The following IFT56 variants were observed in gnomAD, a reference collection of about 807,000 sequenced individuals.
IFT56 encodes intraflagellar transport 56.
the IFT56 span, among the ~76,000 whole-genome samples, chr7:139,163,198 CG>C: frequency 6.6e-6 from 1 of 150,972 alleles, no homozygotes; most frequent in African/African-American, 2.4e-5. Flanking sequence ...AAAAATTAGC[CG>C]GGTGTTATGG....
chr7:139,178,741 G>A, the IFT56 span: 1 of 719,294 alleles, frequency 1.4e-6, no homozygotes, highest in Non-Finnish European at 2.3e-6. Context: ...ACACTGTGGA[G>A]AAGGTGCAGT....
chr7:139,142,279 C>T, the IFT56 span: 32 of 1,613,830 alleles, frequency 2.0e-5, no homozygotes, highest in Middle Eastern at 1.6e-4. Context: ...ACTCCAAAAC[C>T]GCCTCCTCTT....
At chr7:139,151,209 C>A in the IFT56 span, among the ~76,000 whole-genome samples, 1 of 152,146 alleles carries the variant, frequency 6.6e-6, no homozygotes, top group Non-Finnish European at 1.5e-5. Flanking sequence ...ATTGCCATAT[C>A]TGATTAGGAT....
the IFT56 span, chr7:139,134,918 C>G: frequency 2.2e-6 from 2 of 918,430 alleles, no homozygotes; most frequent in African/African-American, 3.4e-5. Context: ...GTACAAATCC[C>G]CTGTAAATCT....
chr7:139,165,339 A>T, the IFT56 span: 3 of 730,616 alleles, frequency 4.1e-6, no homozygotes, highest in South Asian at 6.2e-5. Flanking sequence ...TACTTCCAAA[A>T]ATATATTTGC....
chr7:139,140,601 G>C, the IFT56 span, among the ~76,000 whole-genome samples: 1 of 151,880 alleles, frequency 6.6e-6, no homozygotes, highest in African/African-American at 2.4e-5. Context: ...CCAACATGGA[G>C]AAACCCCATC....
the IFT56 span, among the ~76,000 whole-genome samples, chr7:139,143,258 A>T: frequency 6.6e-6 from 1 of 152,182 alleles, no homozygotes; most frequent in Admixed American, 6.5e-5. Context: ...CATTATATGA[A>T]AATAATTATT....
chr7:139,172,003 A>T, the IFT56 span, among the ~76,000 whole-genome samples: 1 of 152,040 alleles, frequency 6.6e-6, no homozygotes, highest in South Asian at 2.1e-4. Context: ...GTAGCTGCAA[A>T]TTTTCTTTTG....
chr7:139,147,051 A>G, the IFT56 span: 4 of 1,574,294 alleles, frequency 2.5e-6, no homozygotes, highest in Non-Finnish European at 1.7e-6. Flanking sequence ...ATGGCTAAAG[A>G]AGGAAGAGTT....
chr7:139,187,605 C>G, the IFT56 span: 25 of 1,560,166 alleles, frequency 1.6e-5, no homozygotes, highest in Middle Eastern at 1.7e-4. Flanking sequence ...AATACTTGTT[C>G]TCTTGGATGA....
the IFT56 span, chr7:139,148,259 A>G: frequency 1.9e-6 from 3 of 1,613,862 alleles, no homozygotes; most frequent in African/African-American, 4.0e-5. Flanking sequence ...AAGTTGGATT[A>G]CTATGATGTG....
At chr7:139,163,356 GA>G in the IFT56 span, among the ~76,000 whole-genome samples, 7 of 148,586 alleles carry the variant, frequency 4.7e-5, no homozygotes, top group South Asian at 4.3e-4. Context: ...AAAAAAAAAA[GA>G]AAAAAAAGAA....
At chr7:139,175,199 A>G in the IFT56 span, among the ~76,000 whole-genome samples, 2 of 152,114 alleles carry the variant, frequency 1.3e-5, no homozygotes, top group Admixed American at 1.3e-4. Context: ...GCTGGAGAGG[A>G]TGTAGAGAAA....
chr7:139,172,543 G>C, the IFT56 span: 1 of 520,654 alleles, frequency 1.9e-6, no homozygotes, highest in Non-Finnish European at 3.8e-6. Flanking sequence ...TCTTGCTGCT[G>C]TAATGCACCT....
the IFT56 span, among the ~76,000 whole-genome samples, chr7:139,164,419 T>C: frequency 6.6e-6 from 1 of 152,220 alleles, no homozygotes; most frequent in Admixed American, 6.5e-5. Context: ...TTGGGTACTT[T>C]AGGAGTTTTC....
the IFT56 span, among the ~76,000 whole-genome samples, chr7:139,141,200 G>T: frequency 6.6e-6 from 1 of 150,742 alleles, no homozygotes; most frequent in African/African-American, 2.5e-5. Flanking sequence ...GGCGGAGCTT[G>T]CAGTGAGCCG....
the IFT56 span, among the ~76,000 whole-genome samples, chr7:139,141,349 A>C: frequency 6.6e-6 from 1 of 151,702 alleles, no homozygotes; most frequent in Non-Finnish European, 1.5e-5. Flanking sequence ...CTATAGCTTC[A>C]AACTCCTGGG....
At chr7:139,159,057 A>G in the IFT56 span, among the ~76,000 whole-genome samples, 41 of 152,284 alleles carry the variant, frequency 2.7e-4, 1 homozygote, top group South Asian at 6.4e-3. Flanking sequence ...CTGTTTTATA[A>G]TTTGCTTTTT....
At chr7:139,134,566 C>A in the IFT56 span, 1 of 1,432,864 alleles carries the variant, frequency 7.0e-7, no homozygotes, top group Non-Finnish European at 9.3e-7. Flanking sequence ...CTGTGCCCGG[C>A]CTTGACTTAT....
Sources: gnomAD v4.1 joint callset for allele counts (sites outside exome capture counted in the v4.1 genomes callset) on GRCh38, gnomAD v4.1.1 for gene constraint, MANE v1.5 for transcripts, NCBI Gene and HGNC (gene_info 2026-07-23, HGNC 2026-07-21) for gene names.